Variants in WASF3 observed in about 807,000 individuals in gnomAD.
The protein encoded by WASF3 is WASP family member 3.
Under a neutral mutation model 46.6 loss-of-function variants are expected in WASF3, and 11 were observed. The ratio of observed to expected loss-of-function variants is 0.24; its 90% CI spans 0.15 to 0.39. The LOEUF (loss-of-function observed/expected upper bound fraction) is 0.39. Ranked by LOEUF, WASF3 falls within the 10% of genes least tolerant of loss-of-function variation. WASF3 has a pLI of 1.00. For synonymous variants in WASF3, 242 were observed against 259.7 expected (o/e 0.93, Z 0.65); for missense variants, 576 against 669.8 (o/e 0.86, Z 1.55).
intron 1 of WASF3, among the ~76,000 whole-genome samples, chr13:26,585,133 A>G (rs1224603488): frequency 1.3e-5 from 2 of 152,140 alleles, no homozygotes; most frequent in African/African-American, 2.4e-5. Context: ...AAGAAAGCCA[A>G]TTTATAGTTG....
chr13:26,582,026 G>T (rs1879992978), intron 1 of WASF3, among the ~76,000 whole-genome samples: 1 of 152,166 alleles, frequency 6.6e-6, no homozygotes, highest in Non-Finnish European at 1.5e-5. Flanking sequence ...CCAAATTTAT[G>T]GTTCACTGTA....
chr13:26,661,148 T>G (rs1411048650), intron 3 of WASF3, among the ~76,000 whole-genome samples: 1 of 152,210 alleles, frequency 6.6e-6, no homozygotes, highest in Non-Finnish European at 1.5e-5. Context: ...AACATGAGAT[T>G]TGGAGGCAAC....
upstream of WASF3, among the ~76,000 whole-genome samples, chr13:26,553,168 A>G (rs1355533547): frequency 6.6e-6 from 1 of 152,194 alleles, no homozygotes; most frequent in Non-Finnish European, 1.5e-5. Flanking sequence ...TACACGCTGC[A>G]TGCACGGGAT....
In WASF3 at chr13:26,585,784, T is replaced by A. The variant is rs79443671; in HGVS notation, c.-108-27177T>A. ...TTTTGACTTGTATTGCTTTGCTCTA[T>A]CTTCTGCTGAAATTAAACTATAAAC... On this transcript the variant is annotated intron_variant, in intron 1 of 9. Transcript: ENST00000335327. Among the ~76,000 whole-genome samples, 888 of 152,200 alleles carry A rather than the reference T, an allele frequency of 5.8e-3. 12 individuals are homozygous for A. Among genetic ancestry groups the A allele is most frequent in the African/African-American group, 0.02 (845 of 41,450 alleles).
intron 2 of WASF3, among the ~76,000 whole-genome samples, chr13:26,622,350 G>A (rs1881332459): frequency 6.6e-6 from 1 of 152,154 alleles, no homozygotes; most frequent in South Asian, 2.1e-4. Context: ...CTACCTACCA[G>A]TAATATCGTT....
intron 3 of WASF3, among the ~76,000 whole-genome samples, chr13:26,662,554 C>T (rs1273753887): frequency 1.3e-5 from 2 of 152,154 alleles, no homozygotes; most frequent in African/African-American, 4.8e-5. Context: ...GAACAGAAAA[C>T]CAAATACTGC....
intron 1 of WASF3, among the ~76,000 whole-genome samples, chr13:26,609,240 G>A (rs1880897170): frequency 6.6e-6 from 1 of 152,094 alleles, no homozygotes; most frequent in Non-Finnish European, 1.5e-5. Flanking sequence ...CGTATTACTA[G>A]GGAAAATTTT....
chr13:26,564,954 A>G (rs1430700169), intron 1 of WASF3, among the ~76,000 whole-genome samples: 3 of 112,726 alleles, frequency 2.7e-5, no homozygotes, highest in African/African-American at 3.5e-5. Context: ...CTGTGTTAGG[A>G]TATTACCTAG....
chr13:26,626,109 A>C (rs1881456322), intron 2 of WASF3: 1 of 152,258 alleles, frequency 6.6e-6, no homozygotes, highest in Non-Finnish European at 1.5e-5. Flanking sequence ...TAGAGGAGCC[A>C]CTGCAACAGC....
intron 1 of WASF3, among the ~76,000 whole-genome samples, chr13:26,607,984 G>A (rs1003184468): frequency 6.7e-6 from 1 of 148,644 alleles, no homozygotes; most frequent in African/African-American, 2.5e-5. Context: ...TTCTGGTTTG[G>A]TGTGGTCTAC....
intron 1 of WASF3, among the ~76,000 whole-genome samples, chr13:26,609,124 A>T (rs943989335): frequency 3.3e-5 from 5 of 152,220 alleles, no homozygotes; most frequent in South Asian, 4.1e-4. Context: ...ATAGATTAAC[A>T]ATGAGTCATT....
intron 1 of WASF3, among the ~76,000 whole-genome samples, chr13:26,566,678 G>A (rs534475204): frequency 2.0e-5 from 3 of 152,322 alleles, no homozygotes; most frequent in Admixed American, 1.3e-4. Context: ...GCAGTGGGTG[G>A]AGAATGAGGA....
At chr13:26,680,506 C>T (rs1255817223) in intron 7 of WASF3, among the ~76,000 whole-genome samples, 1 of 152,180 alleles carries the variant, frequency 6.6e-6, no homozygotes, top group Admixed American at 6.5e-5. Context: ...GAAAGAAGGC[C>T]TTTCCATAGT....
the WASF3 span, among the ~76,000 whole-genome samples, chr13:26,550,106 G>T: frequency 6.6e-6 from 1 of 152,292 alleles, no homozygotes; most frequent in Admixed American, 6.5e-5. Flanking sequence ...TTCAATTTTT[G>T]TAATAATATG....
At chr13:26,648,744 CAAAG>C (rs1424595196) in intron 3 of WASF3, among the ~76,000 whole-genome samples, 2 of 152,042 alleles carry the variant, frequency 1.3e-5, no homozygotes, top group Non-Finnish European at 2.9e-5. Context: ...CTCTCATGAA[CAAAG>C]AAAGCCAGTG....
chr13:26,680,957 A>T, intron 7 of WASF3, 97 bp from the exon 8 acceptor site: 1 of 1,441,832 alleles, frequency 6.9e-7, no homozygotes, highest in Non-Finnish European at 9.5e-7. Context: ...ATTTTTGTGT[A>T]TTAGCAATGT....
At chr13:26,588,863 T>A (rs1880208135) in intron 1 of WASF3, among the ~76,000 whole-genome samples, 1 of 152,202 alleles carries the variant, frequency 6.6e-6, no homozygotes. Context: ...AGTGGCATGA[T>A]TATGGCTCAC....
chr13:26,626,730 A>T (rs1330415704), intron 2 of WASF3, among the ~76,000 whole-genome samples: 6 of 152,212 alleles, frequency 3.9e-5, no homozygotes, highest in Admixed American at 3.9e-4. Context: ...CGTTATATCA[A>T]AGTAGACTTT....
chr13:26,568,553 C>A (rs1879542022), intron 1 of WASF3, among the ~76,000 whole-genome samples: 1 of 152,116 alleles, frequency 6.6e-6, no homozygotes, highest in Admixed American at 6.5e-5. Flanking sequence ...TACTTGCATG[C>A]AGGAATTTTC....
Sources: gnomAD v4.1 joint callset for allele counts (sites outside exome capture counted in the v4.1 genomes callset) on GRCh38, gnomAD v4.1.1 for gene constraint, MANE v1.5 for transcripts, NCBI Gene and HGNC (gene_info 2026-07-23, HGNC 2026-07-21) for gene names.